The following PAFAH1B3 variants were observed in gnomAD, a reference collection of about 807,000 sequenced individuals.
The protein encoded by PAFAH1B3 is platelet activating factor acetylhydrolase 1b catalytic subunit 3, also known as platelet-activating factor acetylhydrolase IB subunit alpha1.
PAFAH1B3 carries 15 observed loss-of-function variants against 24.4 expected under a neutral mutation model. The observed-to-expected ratio is 0.62, with a 90% CI of 0.41 to 0.95. The LOEUF (loss-of-function observed/expected upper bound fraction) is 0.95. Ranked by LOEUF, PAFAH1B3 falls within the 40% of genes least tolerant of loss-of-function variation. PAFAH1B3 has a pLI of 0.00. For synonymous variants in PAFAH1B3, 144 were observed against 126.5 expected, an observed-to-expected ratio of 1.14 and a Z score of -0.93; for missense variants, 266 against 312.2, an observed-to-expected ratio of 0.85 and a Z score of 1.12.
rs933728107 is a variant in PAFAH1B3 at position 42,302,611 on chromosome 19, G to A, written c.-302C>T. Reference sequence around the variant, plus strand: ...TCCCAGGCCGCGCACCCGGCACGGGGTGGGGGGAGGGAGAGGCGAGACCAT... The same window carrying A: ...TCCCAGGCCGCGCACCCGGCACGGGATGGGGGGAGGGAGAGGCGAGACCAT... On this transcript the variant is annotated 5_prime_UTR_variant, in exon 1 of 5. Transcript: ENST00000262890. 2 of 387,800 alleles carry A rather than the reference G, an allele frequency of 5.2e-6. No homozygotes were observed. The highest frequency in any genetic ancestry group is 7.2e-4 in the Middle Eastern group (1 of 1,388). The allele number at this position is 387,800 out of a possible 1,614,324, so 24.0% of individuals were successfully genotyped here.
rs962757113 is a variant in PAFAH1B3, at chr19:42,299,592, A to AT, written c.408+377dup. The stretch of plus-strand genomic sequence containing the variant: ...AGGTGCCCGCCACCACGCCCGGCTA[A>AT]TTTTTTTTTGTATTTTTAGTAGAAA... On this transcript the variant is annotated intron_variant, in intron 4 of 4. Coordinates refer to ENST00000262890, the MANE Select transcript of PAFAH1B3 (RefSeq NM_002573.4). Among the ~76,000 whole-genome samples, 55 of 150,102 alleles carry AT rather than the reference A, an allele frequency of 3.7e-4. 1 individual carries two copies. The highest frequency in any genetic ancestry group is 8.4e-4 in the South Asian group (4 of 4,746).
chr19:42,300,812 G>T (rs1183986885), intron 2 of PAFAH1B3, among the ~76,000 whole-genome samples: 1 of 148,652 alleles, frequency 6.7e-6, no homozygotes, highest in Non-Finnish European at 1.5e-5. Context: ...AGCCCATGGT[G>T]CCCAGCCTAT....
At chr19:42,301,149 T>G (rs2038619101) in intron 2 of PAFAH1B3, among the ~76,000 whole-genome samples, 3 of 152,172 alleles carry the variant, frequency 2.0e-5, no homozygotes, top group African/African-American at 7.2e-5. Context: ...CCCCAGGCTC[T>G]GTTGCTCATG....
In PAFAH1B3 at chr19:42,297,324, C is replaced by T. The variant is rs2038542119; in HGVS notation, c.450G>A (p.Glu150=). The T allele has an allele frequency of 1.2e-6, 2 of 1,613,180 alleles. No individual in the cohort carries two copies. The highest frequency in any genetic ancestry group is 1.1e-5 in the South Asian group (1 of 91,070). The stretch of plus-strand genomic sequence containing the variant: ...CCAGCTCGTTCACCTGTCGGTTCTT[C>T]TCCCGAAGTGGGTTGGGATGTTGGC... ...PRGQHPNPLR[E]KNRQVNELVR... is the part of the protein sequence containing the mutation. The change falls in exon 5 of 5, where the codon GAG becomes GAA. Residue 150 remains glutamate (E), a synonymous_variant. Coordinates refer to ENST00000262890, the MANE Select transcript of PAFAH1B3 (RefSeq NM_002573.4).
intron 4 of PAFAH1B3, among the ~76,000 whole-genome samples, chr19:42,299,447 C>T (rs1299015585): frequency 1.4e-5 from 2 of 147,472 alleles, no homozygotes; most frequent in Non-Finnish European, 1.5e-5. Flanking sequence ...TTTTTTGAGA[C>T]GGAGTCTCGC....
rs747920893 is a variant in PAFAH1B3, at chr19:42,300,174, G to C, written c.282C>G (p.Pro94=). 6 of 1,614,096 alleles carry C rather than the reference G, an allele frequency of 3.7e-6. No individual in the cohort carries two copies. The highest frequency in any genetic ancestry group is 5.1e-6 in the Non-Finnish European group (6 of 1,180,032). ...GCCCCACCCAAGCCCCGCTCACCTTGGGCCGGATGTGTTCCAGCTCCCCAT... is the reference window on the plus strand; with the variant it reads ...GCCCCACCCAAGCCCCGCTCACCTTCGGCCGGATGTGTTCCAGCTCCCCAT... ...LENGELEHIR[P]KIVVVWVGTN... The change falls in exon 3 of 5, where the codon CCC becomes CCG. Residue 94 remains proline, a synonymous_variant. Coordinates refer to ENST00000262890, the MANE Select transcript of PAFAH1B3 (RefSeq NM_002573.4).
chr19:42,297,922 C>G (rs2038562358), intron 4 of PAFAH1B3, among the ~76,000 whole-genome samples: 1 of 151,952 alleles, frequency 6.6e-6, no homozygotes, highest in Admixed American at 6.5e-5. Context: ...TGGCTAGGTT[C>G]AGTGGCTCAC....
In PAFAH1B3 at chr19:42,297,201, AT is replaced by A; in HGVS notation, c.572del (p.Tyr191LeufsTer6). 6.2e-7 allele frequency: 1 copy of A among 1,614,138 alleles called. No individual in the cohort carries two copies. The highest frequency in any genetic ancestry group is 8.5e-7 in the Non-Finnish European group (1 of 1,180,020). ...CCAGGCGGCTCAGATGCAGGTAATC[AT>A]ACATGTCATGATGGCTGATGGTGCC... ...SDGTISHHDM[Y>X]DYLHLSRLGY... On this transcript the variant is annotated frameshift_variant, in exon 5 of 5. Coordinates refer to ENST00000262890, the MANE Select transcript of PAFAH1B3 (RefSeq NM_002573.4). LOFTEE classifies it high-confidence loss of function.
chr19:42,302,040 C>A lies in PAFAH1B3; in HGVS notation c.79-1G>T, dbSNP rs867790593. 2 of 1,566,216 alleles carry A rather than the reference C, an allele frequency of 1.3e-6. No homozygotes were observed. The highest frequency in any genetic ancestry group is 1.2e-5 in the South Asian group (1 of 85,196). ...TGCTGTCAGCCACGAACCGATGGTG[C>A]TGCGGGAGCGCGCGAGAGGGAGTCA... is the stretch of plus-strand genomic sequence containing the variant. On this transcript the variant is annotated splice_acceptor_variant, in intron 1 of 4. Coordinates refer to ENST00000262890, the MANE Select transcript of PAFAH1B3 (RefSeq NM_002573.4). LOFTEE classifies it high-confidence loss of function.
Position 42,299,795 on chromosome 19 carries a change from C to T in PAFAH1B3, c.408+175G>A, listed in dbSNP as rs896211860. On this transcript the variant is annotated intron_variant, in intron 4 of 4. Coordinates refer to ENST00000262890, the MANE Select transcript of PAFAH1B3 (RefSeq NM_002573.4). ...CTGGGCAAAAAAGGCTAATTGGTCT[C>T]GGAGCATATTCTCAACCACAGCCAC... 3.1e-5 allele frequency: 26 copies of T among 835,778 alleles called. 1 individual carries two copies. The highest frequency in any genetic ancestry group is 4.7e-5 in the Non-Finnish European group (25 of 529,336). The allele number at this position is 835,778 out of a possible 1,614,324, so 51.8% of individuals were successfully genotyped here.
At position 42,297,082 on chromosome 19, in the gene PAFAH1B3, G is replaced by A; in HGVS notation, c.692C>T (p.Pro231Leu). 6.3e-7 allele frequency: 1 copy of A among 1,596,872 alleles called. No homozygotes were observed. Among genetic ancestry groups the A allele is most frequent in the Non-Finnish European group, 8.6e-7 (1 of 1,165,698 alleles). The change falls in exon 5 of 5, where the codon CCC becomes CTC. Residue 231 changes from proline (P) to leucine (L), a missense_variant. Coordinates refer to ENST00000262890, the MANE Select transcript of PAFAH1B3 (RefSeq NM_002573.4). ...GQGAPLLEPA[P>L] ...TGTGGGAAGGCAGCAGGATGCTTAG[G>A]GTGCGGGCTCCAGCAGGGGAGCACC...
intron 2 of PAFAH1B3, among the ~76,000 whole-genome samples, chr19:42,300,607 T>C (rs1424824846): frequency 6.6e-6 from 1 of 152,152 alleles, no homozygotes; most frequent in East Asian, 1.9e-4. Context: ...AACCTCCGCC[T>C]CCCTAGTTCA....
intron 4 of PAFAH1B3, among the ~76,000 whole-genome samples, chr19:42,299,274 G>A (rs1376525235): frequency 1.3e-5 from 2 of 152,024 alleles, no homozygotes; most frequent in East Asian, 1.9e-4. Context: ...GTGCCACCAC[G>A]CCCAGCTAAT....
In PAFAH1B3 at chr19:42,302,140, A is replaced by C. The variant is rs558338599; in HGVS notation, c.78+92T>G. 5.8e-4 allele frequency: 873 copies of C among 1,493,608 alleles called. 1 individual carries two copies. The highest frequency in any genetic ancestry group is 7.5e-4 in the Non-Finnish European group (824 of 1,096,194). 92.5% of individuals were successfully genotyped at this position (1,493,608 alleles called of 1,614,324 possible). On this transcript the variant is annotated intron_variant, in intron 1 of 4. Coordinates refer to ENST00000262890, the MANE Select transcript of PAFAH1B3 (RefSeq NM_002573.4). Reference sequence around the variant, plus strand: ...CCTCCTCAACTGCCCTCAGTTTCCCAATCAGGTAGTGAGAGTGGCACGAAC... The same window carrying C: ...CCTCCTCAACTGCCCTCAGTTTCCCCATCAGGTAGTGAGAGTGGCACGAAC...
At chr19:42,298,596 G>T (rs954489088) in intron 4 of PAFAH1B3, among the ~76,000 whole-genome samples, 10 of 152,218 alleles carry the variant, frequency 6.6e-5, no homozygotes, top group Admixed American at 2.6e-4. Flanking sequence ...ATGGAGCCTA[G>T]ATTTACCCCA....
At chr19:42,299,491 A>T (rs2038585181) in intron 4 of PAFAH1B3, among the ~76,000 whole-genome samples, 1 of 150,838 alleles carries the variant, frequency 6.6e-6, no homozygotes, top group African/African-American at 2.4e-5. Context: ...GTGGCACAGT[A>T]TCAGCTTACT....
At position 42,300,017 on chromosome 19, in the gene PAFAH1B3, C is replaced by T. The variant is rs370132549; in HGVS notation, c.361G>A (p.Val121Met). The change falls in exon 4 of 5, where the codon GTG (valine) becomes ATG (methionine). Residue 121 changes from valine to methionine, a missense_variant. Physicochemically the swap from Val to Met is conservative, Grantham distance 21. Coordinates refer to ENST00000262890, the MANE Select transcript of PAFAH1B3 (RefSeq NM_002573.4). ...GGCTGTCGCTCATTCACCAGTTGCA[C>T]AATGGCCTTGATGCCACCAGTCACC... is the stretch of plus-strand genomic sequence containing the variant. ...EQVTGGIKAI[V>M]QLVNERQPQA... 1 of 1,614,104 alleles carries T rather than the reference C, an allele frequency of 6.2e-7. No homozygotes were observed. Among genetic ancestry groups the T allele is most frequent in the African/African-American group, 1.3e-5 (1 of 74,938 alleles).
intron 4 of PAFAH1B3, among the ~76,000 whole-genome samples, chr19:42,298,548 G>A (rs562218918): frequency 2.8e-4 from 42 of 152,304 alleles, no homozygotes; most frequent in Middle Eastern, 6.8e-3. Context: ...GGATCAATCC[G>A]TTTTCAGAAG....
Position 42,300,298 on chromosome 19 carries a change from G to A in PAFAH1B3, c.169-11C>T, listed in dbSNP as rs113233665. 6.2e-7 allele frequency: 1 copy of A among 1,611,774 alleles called. No homozygotes were observed. Among genetic ancestry groups the A allele is most frequent in the African/African-American group, 1.3e-5 (1 of 74,998 alleles). ...GAGCTCGCGCCAGATCTGTGGGCAA[G>A]AAGTGGTGTGGGCAAGAAGTGGTAG... is the stretch of plus-strand genomic sequence containing the variant. On this transcript the variant is annotated splice_polypyrimidine_tract_variant and intron_variant, in intron 2 of 4. Coordinates refer to ENST00000262890, the MANE Select transcript of PAFAH1B3 (RefSeq NM_002573.4).
Sources: allele counts gnomAD v4.1 joint callset (sites outside exome capture counted in the v4.1 genomes callset), GRCh38; gene constraint gnomAD v4.1.1; transcripts MANE v1.5; gene names NCBI Gene and HGNC (gene_info 2026-07-23, HGNC 2026-07-21).